Variants in OPCML observed in about 807,000 individuals in gnomAD.
OPCML encodes the protein opioid-binding protein/cell adhesion molecule.
In OPCML, 13 loss-of-function variants were observed where a neutral mutation model predicts 37.8. That is an observed-to-expected ratio of 0.34 (90% CI 0.22 to 0.55). OPCML has a LOEUF of 0.55. Ranked by LOEUF, OPCML falls within the 20% of genes least tolerant of loss-of-function variation. OPCML has a pLI of 0.91. For missense variants in OPCML, 341 were observed against 435.6 expected (o/e 0.78, Z 1.93); for synonymous variants, 176 against 168.8 (o/e 1.04, Z -0.33).
intron 1 of OPCML, among the ~76,000 whole-genome samples, chr11:133,339,435 G>T (rs534893664): frequency 1.3e-5 from 2 of 152,254 alleles, no homozygotes; most frequent in Non-Finnish European, 1.5e-5. Flanking sequence ...ACCTCTCCAC[G>T]TGGCAGGGAG....
chr11:132,741,293 A>T (rs1164308234), intron 2 of OPCML, among the ~76,000 whole-genome samples: 1 of 152,210 alleles, frequency 6.6e-6, no homozygotes, highest in Non-Finnish European at 1.5e-5. Flanking sequence ...CAAACTAAAC[A>T]GGCTCATTGG....
chr11:133,516,229 C>T (rs896357017), intron 1 of OPCML, among the ~76,000 whole-genome samples: 5 of 152,160 alleles, frequency 3.3e-5, no homozygotes, highest in African/African-American at 1.2e-4. Flanking sequence ...GGAGAGGCTT[C>T]GTGTCAGTCT....
At chr11:132,885,387 T>C (rs1315802104) in intron 2 of OPCML, among the ~76,000 whole-genome samples, 1 of 152,220 alleles carries the variant, frequency 6.6e-6, no homozygotes, top group Non-Finnish European at 1.5e-5. Flanking sequence ...CTGCCCGTGG[T>C]TAAACATGCT....
intron 1 of OPCML, among the ~76,000 whole-genome samples, chr11:132,964,247 G>T (rs1339239215): frequency 6.6e-6 from 1 of 152,230 alleles, no homozygotes; most frequent in East Asian, 1.9e-4. Flanking sequence ...AAACACATGG[G>T]AATATTATTT....
At chr11:133,051,214 G>C (rs187629263) in intron 1 of OPCML, among the ~76,000 whole-genome samples, 1 of 152,132 alleles carries the variant, frequency 6.6e-6, no homozygotes, top group Non-Finnish European at 1.5e-5. Flanking sequence ...CACACATATT[G>C]ATTTCTCTGT....
chr11:133,422,006 TG>T, intron 1 of OPCML: 1 of 364,446 alleles, frequency 2.7e-6, no homozygotes, highest in Non-Finnish European at 3.8e-6. Context: ...CTGGGGTACA[TG>T]TGCAGAATGT....
chr11:132,858,207 A>C lies in OPCML; in HGVS notation c.146+84719T>G, dbSNP rs111365244. 2.1e-3 allele frequency among the ~76,000 whole-genome samples: 313 copies of C among 152,340 alleles called. 2 individuals are homozygous for C. The highest frequency in any genetic ancestry group is 7.2e-3 in the African/African-American group (299 of 41,580). On this transcript the variant is annotated intron_variant, in intron 2 of 7. Coordinates refer to ENST00000524381, the MANE Select transcript of OPCML (RefSeq NM_001012393.5). ...AAACTCAAATCCGTAGCCTGTCTGCACAGCTCTCAGGCTCTGGGGTTGTCA... is the reference window on the plus strand; with the variant it reads ...AAACTCAAATCCGTAGCCTGTCTGCCCAGCTCTCAGGCTCTGGGGTTGTCA...
chr11:132,804,226 C>T (rs1452728634), intron 2 of OPCML, among the ~76,000 whole-genome samples: 2 of 152,152 alleles, frequency 1.3e-5, no homozygotes, highest in Admixed American at 1.3e-4. Context: ...CACAATTCGC[C>T]GGGTTTCTAC....
intron 1 of OPCML, among the ~76,000 whole-genome samples, chr11:133,261,158 A>G (rs141716853): frequency 6.8e-4 from 104 of 152,290 alleles, no homozygotes; most frequent in African/African-American, 2.5e-3. Flanking sequence ...TCAGATTAGA[A>G]CCATTGCTAA....
At chr11:133,440,419 G>T (rs1402607948) in intron 1 of OPCML, among the ~76,000 whole-genome samples, 1 of 140,518 alleles carries the variant, frequency 7.1e-6, no homozygotes, top group Admixed American at 7.2e-5. Context: ...AAAAAAGAAA[G>T]AAAGAAATGA....
intron 7 of OPCML, chr11:132,435,115 G>T: frequency 8.9e-7 from 1 of 1,122,292 alleles, no homozygotes; most frequent in Non-Finnish European, 1.2e-6. Context: ...CAAAGGCATA[G>T]GCATTCAGGC....
At chr11:132,561,493 G>C (rs2096410651) in intron 3 of OPCML, among the ~76,000 whole-genome samples, 1 of 152,174 alleles carries the variant, frequency 6.6e-6, no homozygotes, top group Non-Finnish European at 1.5e-5. Flanking sequence ...CACTCAGTGT[G>C]GGCTCCTTGA....
In OPCML at chr11:133,283,950, C is replaced by A. The variant is rs546893304; in HGVS notation, c.61+248314G>T. Among the ~76,000 whole-genome samples, 6 of 152,274 alleles carry A rather than the reference C, an allele frequency of 3.9e-5. No homozygotes were observed. In the South Asian group the frequency reaches 1.2e-3, roughly 32 times the overall value. On this transcript the variant is annotated intron_variant, in intron 1 of 7. Coordinates refer to ENST00000524381, the MANE Select transcript of OPCML (RefSeq NM_001012393.5). ...CTGACACTCTCCTGGATCGCTTCCCCCCCCAGTACCTAAAAGTCAAGCCCT... is the reference window on the plus strand; with the variant it reads ...CTGACACTCTCCTGGATCGCTTCCCACCCCAGTACCTAAAAGTCAAGCCCT...
chr11:133,213,834 A>G (rs1000152965), intron 1 of OPCML, among the ~76,000 whole-genome samples: 1 of 152,196 alleles, frequency 6.6e-6, no homozygotes, highest in South Asian at 2.1e-4. Flanking sequence ...ATAGGATATG[A>G]TACACTTTTG....
At chr11:133,416,179 A>G (rs375288781) in intron 1 of OPCML, among the ~76,000 whole-genome samples, 3 of 149,086 alleles carry the variant, frequency 2.0e-5, no homozygotes. Flanking sequence ...CCCTGCAAAC[A>G]TCTTCAAGAT....
At chr11:132,479,232 G>A (rs1019282459) in intron 4 of OPCML, among the ~76,000 whole-genome samples, 13 of 152,336 alleles carry the variant, frequency 8.5e-5, no homozygotes, top group African/African-American at 3.1e-4. Flanking sequence ...GGGTCAGGGA[G>A]TTCCCTTTCC....
At chr11:132,910,176 G>A (rs749422630) in intron 2 of OPCML, among the ~76,000 whole-genome samples, 210 of 152,316 alleles carry the variant, frequency 1.4e-3, no homozygotes, top group South Asian at 2.1e-3. Context: ...TAAAGCAGCC[G>A]CAGGACAAAG....
At chr11:133,472,282 T>G (rs982670259) in intron 1 of OPCML, among the ~76,000 whole-genome samples, 8 of 152,106 alleles carry the variant, frequency 5.3e-5, no homozygotes, top group African/African-American at 1.9e-4. Context: ...TCAATAGAAA[T>G]GCATTTCTCT....
At chr11:133,279,037 A>T (rs1942068709) in intron 1 of OPCML, among the ~76,000 whole-genome samples, 1 of 152,192 alleles carries the variant, frequency 6.6e-6, no homozygotes, top group Admixed American at 6.5e-5. Flanking sequence ...AACCTGGGTG[A>T]TTTCACAGAA....
Sources: gnomAD v4.1 joint callset for allele counts (sites outside exome capture counted in the v4.1 genomes callset) on GRCh38, gnomAD v4.1.1 for gene constraint, MANE v1.5 for transcripts, NCBI Gene and HGNC (gene_info 2026-07-23, HGNC 2026-07-21) for gene names.